Variants in PDSS2 observed in about 807,000 individuals in gnomAD.
PDSS2 encodes all trans-polyprenyl-diphosphate synthase PDSS2.
A neutral mutation model predicts 44.5 loss-of-function variants in PDSS2; 31 were observed. That is an observed-to-expected ratio of 0.70 (90% CI 0.52 to 0.94). PDSS2 has a LOEUF of 0.94. Among genes scored for constraint, PDSS2 ranks in the 40% least tolerant of loss-of-function variants. PDSS2 has a pLI of 0.00. For synonymous variants in PDSS2, 157 were observed against 180.3 expected, an observed-to-expected ratio of 0.87 and a Z score of 1.03; for missense variants, 452 against 482.2, an observed-to-expected ratio of 0.94 and a Z score of 0.59.
At position 107,353,793 on chromosome 6, in the gene PDSS2, C is replaced by T. The variant is rs374497292; in HGVS notation, c.297-19461G>A. The stretch of plus-strand genomic sequence containing the variant: ...CAGCTTAGATATAAATGAATTTTAA[C>T]AGAGTAATGCCTTTTAGAAAATCAC... On this transcript the variant is annotated intron_variant, in intron 1 of 7. Transcript: ENST00000369037. 5.7e-4 allele frequency among the ~76,000 whole-genome samples: 86 copies of T among 152,136 alleles called. 1 individual carries two copies. In the East Asian group the frequency reaches 0.012, roughly 21 times the overall value.
At chr6:107,337,717 T>C (rs1430339392) in intron 1 of PDSS2, among the ~76,000 whole-genome samples, 2 of 152,202 alleles carry the variant, frequency 1.3e-5, no homozygotes, top group Admixed American at 6.5e-5. Flanking sequence ...CTCTTTCTCC[T>C]TGTAACTCTC....
intron 1 of PDSS2, among the ~76,000 whole-genome samples, chr6:107,442,575 T>C (rs1454787966): frequency 6.6e-6 from 1 of 152,214 alleles, no homozygotes; most frequent in Non-Finnish European, 1.5e-5. Flanking sequence ...CTAGCCTTAG[T>C]GTTTACCTCC....
intron 2 of PDSS2, among the ~76,000 whole-genome samples, chr6:107,286,930 C>G (rs1422383555): frequency 6.6e-6 from 1 of 152,064 alleles, no homozygotes; most frequent in Admixed American, 6.5e-5. Flanking sequence ...GTCCCAGCTA[C>G]CCGGGAGGCT....
At chr6:107,161,999 G>A (rs1395902319) in intron 7 of PDSS2, among the ~76,000 whole-genome samples, 8 of 152,112 alleles carry the variant, frequency 5.3e-5, no homozygotes, top group African/African-American at 1.9e-4. Flanking sequence ...CTCCCATTAT[G>A]GCTGATTTCA....
chr6:107,225,534 T>C (rs1259827295), intron 4 of PDSS2, among the ~76,000 whole-genome samples: 60 of 152,064 alleles, frequency 3.9e-4, no homozygotes, highest in Admixed American at 3.9e-3. Flanking sequence ...AGATCAACTC[T>C]AGTACAATGT....
rs1377865127 is a variant in PDSS2 at position 107,391,003 on chromosome 6, C to T, written c.297-56671G>A. ...TTGGAATTTCTAGCTCCATAAAATA[C>T]AAAATAATGCTTCAAATAAGGTTCC... On this transcript the variant is annotated intron_variant, in intron 1 of 7. Transcript: ENST00000369037. 2.2e-5 allele frequency among the ~76,000 whole-genome samples: 3 copies of T among 136,030 alleles called. No individual in the cohort carries two copies. In the South Asian group the frequency reaches 7.0e-4, roughly 32 times the overall value. 89.2% of individuals were successfully genotyped at this position (136,030 alleles called of 152,430 possible).
Position 107,195,446 on chromosome 6 carries a change from C to CA in PDSS2, c.1009-1593dup, listed in dbSNP as rs898166340. Among the ~76,000 whole-genome samples the CA allele has an allele frequency of 1.6e-4, 22 of 137,982 alleles. 1 individual carries two copies. The East Asian group carries it at 5.0e-3, about 31-fold the overall frequency. 90.5% of individuals were successfully genotyped at this position (137,982 alleles called of 152,430 possible). On this transcript the variant is annotated intron_variant, in intron 6 of 7. Transcript: ENST00000369037. ...GTAGTGAGCCATAGTTGCACCACTACACTCCAACCTGGGTGACAGAGTGAG... is the reference window on the plus strand; with the variant it reads ...GTAGTGAGCCATAGTTGCACCACTACAACTCCAACCTGGGTGACAGAGTGAG...
intron 1 of PDSS2, among the ~76,000 whole-genome samples, chr6:107,359,221 A>C (rs1294269099): frequency 1.3e-5 from 2 of 151,662 alleles, no homozygotes; most frequent in Middle Eastern, 6.8e-3. Context: ...CATGTTGGCC[A>C]GGCTGGTCTC....
intron 6 of PDSS2, among the ~76,000 whole-genome samples, chr6:107,208,280 C>A (rs1773071883): frequency 7.7e-6 from 1 of 129,236 alleles, no homozygotes; most frequent in African/African-American, 3.1e-5. Context: ...GCCACCATGC[C>A]TGGCCTTTTT....
chr6:107,376,054 C>G (rs919464252), intron 1 of PDSS2, among the ~76,000 whole-genome samples: 2 of 152,154 alleles, frequency 1.3e-5, no homozygotes, highest in Non-Finnish European at 2.9e-5. Flanking sequence ...TCAGGTCTGT[C>G]AAAGATCAGA....
At chr6:107,355,563 G>A (rs1213487684) in intron 1 of PDSS2, among the ~76,000 whole-genome samples, 1 of 152,090 alleles carries the variant, frequency 6.6e-6, no homozygotes, top group Non-Finnish European at 1.5e-5. Flanking sequence ...CTTTCTCATA[G>A]AGGTGAGAGT....
At chr6:107,182,305 A>T (rs1400944199) in intron 7 of PDSS2, among the ~76,000 whole-genome samples, 1 of 152,092 alleles carries the variant, frequency 6.6e-6, no homozygotes, top group Non-Finnish European at 1.5e-5. Flanking sequence ...ATGTGTGTAT[A>T]ATTTATTTAT....
intron 2 of PDSS2, among the ~76,000 whole-genome samples, chr6:107,321,441 T>C (rs1777378394): frequency 6.6e-6 from 1 of 152,200 alleles, no homozygotes; most frequent in Non-Finnish European, 1.5e-5. Flanking sequence ...AAACAATGTG[T>C]TAAGTGTTTT....
intron 6 of PDSS2, among the ~76,000 whole-genome samples, chr6:107,200,171 T>C (rs1381043241): frequency 6.6e-6 from 1 of 152,206 alleles, no homozygotes; most frequent in Non-Finnish European, 1.5e-5. Context: ...AGGCCTTGTC[T>C]ACTGATTACA....
chr6:107,403,200 C>T (rs372942336), intron 1 of PDSS2, among the ~76,000 whole-genome samples: 2 of 152,150 alleles, frequency 1.3e-5, no homozygotes, highest in South Asian at 4.2e-4. Context: ...GCTACAGGCC[C>T]CATGCAAGTC....
intron 1 of PDSS2, among the ~76,000 whole-genome samples, chr6:107,451,629 G>A (rs1056870914): frequency 6.6e-6 from 1 of 152,144 alleles, no homozygotes; most frequent in African/African-American, 2.4e-5. Flanking sequence ...CAAAGGAAGT[G>A]CTAAACCGTC....
At chr6:107,351,004 A>AG (rs1220536564) in intron 1 of PDSS2, among the ~76,000 whole-genome samples, 1 of 152,198 alleles carries the variant, frequency 6.6e-6, no homozygotes, top group Non-Finnish European at 1.5e-5. Context: ...GCAAAGGGGG[A>AG]GAAACTAGGA....
intron 7 of PDSS2, among the ~76,000 whole-genome samples, chr6:107,167,539 T>C (rs1261222275): frequency 2.6e-5 from 4 of 152,228 alleles, no homozygotes; most frequent in Non-Finnish European, 5.9e-5. Flanking sequence ...GTGTTTGCTC[T>C]TGCTTCTCTA....
At chr6:107,163,597 G>A (rs782427463) in intron 7 of PDSS2, among the ~76,000 whole-genome samples, 17 of 150,978 alleles carry the variant, frequency 1.1e-4, no homozygotes, top group Non-Finnish European at 2.4e-4. Flanking sequence ...GAATGATCTT[G>A]TTCTTTTTTT....
Sources: gnomAD v4.1 joint callset for allele counts (sites outside exome capture counted in the v4.1 genomes callset) on GRCh38, gnomAD v4.1.1 for gene constraint, MANE v1.5 for transcripts, NCBI Gene and HGNC (gene_info 2026-07-23, HGNC 2026-07-21) for gene names.